GOLGA8A: variants seen among roughly 807,000 people sequenced by gnomAD.
GOLGA8A encodes the protein golgin A8 family member A.
GOLGA8A carries 3 observed loss-of-function variants against 22.1 expected under a neutral mutation model. That is an observed-to-expected ratio of 0.14 (90% CI 0.06 to 0.35). GOLGA8A has a LOEUF of 0.35. GOLGA8A is among the 10% of genes least tolerant of loss of function. The probability of loss-of-function intolerance (pLI) is 1.00; values close to 1 mark genes in which losing one functional copy is unlikely to be tolerated. For synonymous variants in GOLGA8A, 7 were observed against 91.7 expected (o/e 0.08, Z 5.28); for missense variants, 16 against 233.2 (o/e 0.07, Z 6.07).
At chr15:34,418,942 T>G (rs1235110370) in intron 2 of GOLGA8A, 1 of 142,646 alleles carries the variant, frequency 7.0e-6, no homozygotes, top group Non-Finnish European at 1.5e-5. Flanking sequence ...CTCACTCTTG[T>G]CGCCCAGGCT....
intron 2 of GOLGA8A, among the ~76,000 whole-genome samples, chr15:34,423,863 C>T (rs1892876390): frequency 1.3e-5 from 2 of 149,460 alleles, no homozygotes; most frequent in South Asian, 4.3e-4. Context: ...TCTCCCTACC[C>T]CCTCATCTGC....
chr15:34,426,021 A>G lies in GOLGA8A; in HGVS notation c.-1123+9362T>C, dbSNP rs1276755752. Among the ~76,000 whole-genome samples, 15 of 145,646 alleles carry G rather than the reference A, an allele frequency of 1.0e-4. 1 individual carries two copies. The Admixed American group carries it at 1.1e-3, about 10-fold the overall frequency. On this transcript the variant is annotated intron_variant, in intron 2 of 24. Coordinates refer to ENST00000359187, the MANE Select transcript of GOLGA8A (RefSeq NM_181077.5). ...ACTAGCATCATTTAGAATGGTCACC[A>G]CCTGTCAAGAGAGCAATCTGGCAAT...
intron 2 of GOLGA8A, among the ~76,000 whole-genome samples, chr15:34,433,177 GGA>G (rs1010358588): frequency 2.0e-5 from 3 of 148,504 alleles, no homozygotes; most frequent in African/African-American, 5.0e-5. Context: ...GACACACGCA[GGA>G]GAGAGTCAGG....
intron 2 of GOLGA8A, among the ~76,000 whole-genome samples, chr15:34,421,368 T>C (rs1269668606): frequency 1.4e-5 from 2 of 142,408 alleles, no homozygotes; most frequent in Admixed American, 7.3e-5. Context: ...AACACTGTCA[T>C]TGCAGCCCAT....
chr15:34,425,269 A>G (rs1892936660), intron 2 of GOLGA8A, among the ~76,000 whole-genome samples: 1 of 148,424 alleles, frequency 6.7e-6, no homozygotes, highest in South Asian at 2.2e-4. Flanking sequence ...AGTAAATTAG[A>G]ATGGAGAATC....
chr15:34,405,774 T>C (rs1424017044), intron 4 of GOLGA8A, among the ~76,000 whole-genome samples: 2 of 139,062 alleles, frequency 1.4e-5, no homozygotes, highest in Admixed American at 1.5e-4. Flanking sequence ...TGGGAGGTTG[T>C]GGTCTGCAAA....
At position 34,418,130 on chromosome 15, in the gene GOLGA8A, T is replaced by TTAAA. The variant is rs756695001; in HGVS notation, c.-1122-10396_-1122-10395insTTTA. ...TTAGTTGTAGTAACTGTAGATTCTT[T>TTAAA]AAAAAAAAAAAAAAAAAGGATTGCT... On this transcript the variant is annotated intron_variant, in intron 2 of 24. Coordinates refer to ENST00000359187, the MANE Select transcript of GOLGA8A (RefSeq NM_181077.5). 1.1e-3 allele frequency: 72 copies of TTAAA among 62,762 alleles called. 4 individuals are homozygous for TTAAA. The highest frequency in any genetic ancestry group is 3.8e-3 in the African/African-American group (67 of 17,828). The allele number at this position is 62,762 out of a possible 1,614,324, so 3.9% of individuals were successfully genotyped here.
rs953971498 is a variant in GOLGA8A at position 34,432,016 on chromosome 15, A to C, written c.-1123+3367T>G. The stretch of plus-strand genomic sequence containing the variant: ...CTCCGACTCACTATTTACTAATAAG[A>C]GTTTCCTCAGAACTGTCTTTGCCTG... On this transcript the variant is annotated intron_variant, in intron 2 of 24. Coordinates refer to ENST00000359187, the MANE Select transcript of GOLGA8A (RefSeq NM_181077.5). Among the ~76,000 whole-genome samples, 2 of 149,128 alleles carry C rather than the reference A, an allele frequency of 1.3e-5. 1 individual carries two copies. Among genetic ancestry groups the C allele is most frequent in the Non-Finnish European group, 3.0e-5 (2 of 67,180 alleles).
rs894511281 is a variant in GOLGA8A at position 34,431,706 on chromosome 15, G to A, written c.-1123+3677C>T. 5.4e-5 allele frequency among the ~76,000 whole-genome samples: 8 copies of A among 148,498 alleles called. 1 individual carries two copies. Among genetic ancestry groups the A allele is most frequent in the Admixed American group, 2.7e-4 (4 of 14,680 alleles). On this transcript the variant is annotated intron_variant, in intron 2 of 24. Transcript: ENST00000359187. ...GACCTTCCATGAATGGAAGTTGCTC[G>A]GGTGAGTCAGTCCGTACACTAGTGC... is the stretch of plus-strand genomic sequence containing the variant.
rs572205079 is a variant in GOLGA8A, at chr15:34,426,809, C to T, written c.-1123+8574G>A. Among the ~76,000 whole-genome samples, 489 of 132,858 alleles carry T rather than the reference C, an allele frequency of 3.7e-3. 3 individuals carry two copies. The highest frequency in any genetic ancestry group is 0.013 in the South Asian group (43 of 3,240). 87.2% of individuals were successfully genotyped at this position (132,858 alleles called of 152,430 possible). The stretch of plus-strand genomic sequence containing the variant: ...CTGTAGTCCCAGCTACTCAGGAGAC[C>T]GAGGCAGGAGGATTGCCTGAGCCCA... On this transcript the variant is annotated intron_variant, in intron 2 of 24. Coordinates refer to ENST00000359187, the MANE Select transcript of GOLGA8A (RefSeq NM_181077.5).
At position 34,380,802 on chromosome 15, in the gene GOLGA8A, G is replaced by A. The variant is rs1595632637; in HGVS notation, c.*609C>T. The A allele has an allele frequency of 5.4e-6, 1 of 185,520 alleles. No homozygotes were observed. The highest frequency in any genetic ancestry group is 1.1e-5 in the Non-Finnish European group (1 of 87,574). 11.5% of individuals were successfully genotyped at this position (185,520 alleles called of 1,614,324 possible). ...GAGATTTAGAAAGCTCCCCCAAAAGGTTATCACTCCCATCACCAATACACA... is the reference window on the plus strand; with the variant it reads ...GAGATTTAGAAAGCTCCCCCAAAAGATTATCACTCCCATCACCAATACACA... On this transcript the variant is annotated 3_prime_UTR_variant, in exon 25 of 25. Transcript: ENST00000359187.
chr15:34,424,461 T>C (rs1379355410), intron 2 of GOLGA8A, among the ~76,000 whole-genome samples: 26 of 143,776 alleles, frequency 1.8e-4, no homozygotes. Flanking sequence ...TGACAAACCA[T>C]TTACATCACC....
chr15:34,431,310 TACATATATATA>T (rs1893228070), intron 2 of GOLGA8A, among the ~76,000 whole-genome samples: 1 of 25,562 alleles, frequency 3.9e-5, no homozygotes, highest in Non-Finnish European at 7.4e-5. Context: ...TATATATATA[TACATATATATA>T]TATATATATA....
chr15:34,428,004 T>C (rs1444069634), intron 2 of GOLGA8A, among the ~76,000 whole-genome samples: 2 of 148,774 alleles, frequency 1.3e-5, no homozygotes, highest in Non-Finnish European at 3.0e-5. Context: ...CTGATTAAAA[T>C]CATCAAGATG....
chr15:34,381,881 C>T, intron 23 of GOLGA8A, 25 bp from the exon 24 acceptor site: 1 of 529,460 alleles, frequency 1.9e-6, no homozygotes. Context: ...GCTCAGCTGT[C>T]AGGCCGCTGC....
rs751534053 is a variant in GOLGA8A, at chr15:34,381,170, A to G, written c.*241T>C. 1.6e-6 allele frequency: 1 copy of G among 641,694 alleles called. No homozygotes were observed. Among genetic ancestry groups the G allele is most frequent in the African/African-American group, 1.8e-5 (1 of 55,194 alleles). 39.8% of individuals were successfully genotyped at this position (641,694 alleles called of 1,614,324 possible). On this transcript the variant is annotated 3_prime_UTR_variant, in exon 25 of 25. Coordinates refer to ENST00000359187, the MANE Select transcript of GOLGA8A (RefSeq NM_181077.5). ...AACTCGATATGCATGCTAATGACCT[A>G]CAATTATGAAATGAAAAAAGAAAAA... is the stretch of plus-strand genomic sequence containing the variant.
chr15:34,432,171 T>C (rs1381874654), intron 2 of GOLGA8A, among the ~76,000 whole-genome samples: 1 of 149,188 alleles, frequency 6.7e-6, no homozygotes, highest in Non-Finnish European at 1.5e-5. Flanking sequence ...GCCACCTTCC[T>C]GGAGGGCTAG....
chr15:34,425,658 G>T (rs1274640833), intron 2 of GOLGA8A, among the ~76,000 whole-genome samples: 2 of 144,672 alleles, frequency 1.4e-5, no homozygotes, highest in Non-Finnish European at 3.0e-5. Context: ...AAGGACAAGT[G>T]GCATCTGAGA....
In GOLGA8A at chr15:34,379,862, T is replaced by G. The variant is rs1208527298; in HGVS notation, c.*1549A>C. ...ATTCATTCATCATGCATAGGCACAA[T>G]CACAGAAATATTGCACAAAGTATGT... On this transcript the variant is annotated 3_prime_UTR_variant, in exon 25 of 25. Transcript: ENST00000359187. 6.6e-6 allele frequency: 1 copy of G among 152,666 alleles called. No homozygotes were observed. Among genetic ancestry groups the G allele is most frequent in the Non-Finnish European group, 1.5e-5 (1 of 68,044 alleles). 9.5% of individuals were successfully genotyped at this position (152,666 alleles called of 1,614,324 possible). A position where few individuals can be genotyped will look rare whatever the true frequency, so the allele number is the denominator to read the frequency against.
Sources: allele counts gnomAD v4.1 joint callset (sites outside exome capture counted in the v4.1 genomes callset), GRCh38; gene constraint gnomAD v4.1.1; transcripts MANE v1.5; gene names NCBI Gene and HGNC (gene_info 2026-07-23, HGNC 2026-07-21).